QRSL1: variants seen among roughly 807,000 people sequenced by gnomAD.
QRSL1 encodes the protein glutaminyl-tRNA amidotransferase subunit QRSL1.
Under a neutral mutation model 61.6 loss-of-function variants are expected in QRSL1, and 54 were observed. The observed-to-expected ratio is 0.88, with a 90% CI of 0.70 to 1.10. The LOEUF (loss-of-function observed/expected upper bound fraction) is 1.10. Among genes scored for constraint, QRSL1 ranks in the 50% least tolerant of loss-of-function variants. QRSL1 has a pLI of 0.00. For synonymous variants in QRSL1, 228 were observed against 225.7 expected (o/e 1.01, Z -0.09); for missense variants, 505 against 622.6 (o/e 0.81, Z 2.01).
At chr6:106,649,997 T>A (rs117140009) in intron 5 of QRSL1, among the ~76,000 whole-genome samples, 1,967 of 152,282 alleles carry the variant, frequency 0.013, 28 homozygotes, top group Non-Finnish European at 0.02. Flanking sequence ...TCATTTATAT[T>A]TTTTTAGAGC....
chr6:106,661,515 G>C (rs777919301), intron 9 of QRSL1, among the ~76,000 whole-genome samples: 14 of 152,088 alleles, frequency 9.2e-5, no homozygotes, highest in Non-Finnish European at 1.5e-4. Context: ...TGGTCTCTCT[G>C]TAGACCTGGT....
At position 106,655,686 on chromosome 6, in the gene QRSL1, G is replaced by A. The variant is rs1254881670; in HGVS notation, c.1114G>A (p.Val372Met). 4 of 1,613,434 alleles carry A rather than the reference G, an allele frequency of 2.5e-6. No homozygotes were observed. The highest frequency in any genetic ancestry group is 3.4e-6 in the Non-Finnish European group (4 of 1,179,600). Residue 372 changes from valine to methionine, a missense_variant, in exon 9 of 11, where the codon GTG becomes ATG. Transcript: ENST00000369046. ...AATRREGFND[V>M]VRGRILSGNF... ...AACCAGACGAGAAGGGTTTAATGAT[G>A]TGGTGAGAGGAAGAATTCTCTCAGG...
chr6:106,638,281 C>T (rs1776954865), intron 1 of QRSL1, among the ~76,000 whole-genome samples: 1 of 151,054 alleles, frequency 6.6e-6, no homozygotes, highest in Non-Finnish European at 1.5e-5. Flanking sequence ...CTTCTAGCTT[C>T]TTTCTTCTAG....
At chr6:106,634,204 A>G (rs1170935615) in intron 1 of QRSL1, among the ~76,000 whole-genome samples, 1 of 152,214 alleles carries the variant, frequency 6.6e-6, no homozygotes, top group African/African-American at 2.4e-5. Flanking sequence ...AACAAGAGCA[A>G]GCTTAACATG....
At chr6:106,638,754 C>T (rs1004118029) in intron 1 of QRSL1, among the ~76,000 whole-genome samples, 18 of 152,186 alleles carry the variant, frequency 1.2e-4, no homozygotes, top group African/African-American at 3.9e-4. Context: ...TGTCGGTGAG[C>T]ATTAGGGATC....
chr6:106,647,640 C>T (rs1361251360), intron 4 of QRSL1, among the ~76,000 whole-genome samples: 1 of 132,760 alleles, frequency 7.5e-6, no homozygotes, highest in Non-Finnish European at 1.6e-5. Context: ...GATAAAATGC[C>T]ATAAAGTACT....
intron 3 of QRSL1, chr6:106,642,713 A>C: frequency 1.3e-6 from 1 of 751,612 alleles, no homozygotes; most frequent in Non-Finnish European, 2.4e-6. Flanking sequence ...CAAGAGAATG[A>C]ATGTGCATAT....
At chr6:106,629,946 C>G (rs371221253) in intron 1 of QRSL1, among the ~76,000 whole-genome samples, 4 of 152,044 alleles carry the variant, frequency 2.6e-5, no homozygotes. Flanking sequence ...CGGCTTCTCA[C>G]CATTAGACAT....
chr6:106,652,269 T>C lies in QRSL1; in HGVS notation c.618T>C (p.Val206=), dbSNP rs769857680. 6.2e-6 allele frequency: 10 copies of C among 1,614,082 alleles called. No homozygotes were observed. The South Asian group carries it at 7.7e-5, about 12-fold the overall frequency. ...ATCCTGCTGCCCACTGTGGGCTTGT[T>C]GGTTTCAAACCAAGCTATGGCTTAG... ...TRNPAAHCGL[V]GFKPSYGLVS... Residue 206 remains valine (V), a synonymous_variant, in exon 6 of 11, where the codon GTT becomes GTC. Transcript: ENST00000369046.
intron 9 of QRSL1, among the ~76,000 whole-genome samples, chr6:106,661,730 G>A (rs776504061): frequency 2.0e-5 from 2 of 102,530 alleles, no homozygotes; most frequent in African/African-American, 3.7e-5. Flanking sequence ...TTGAGACGGA[G>A]TTCCGCTCTT....
intron 4 of QRSL1, among the ~76,000 whole-genome samples, chr6:106,644,072 A>G (rs114072024): frequency 0.013 from 2,026 of 152,198 alleles, 58 homozygotes; most frequent in African/African-American, 0.046. Context: ...GGGTGTCGCC[A>G]TGTTGGCCAG....
chr6:106,654,266 C>G (rs56845422), intron 7 of QRSL1, among the ~76,000 whole-genome samples: 1 of 151,816 alleles, frequency 6.6e-6, no homozygotes, highest in Non-Finnish European at 1.5e-5. Flanking sequence ...AGGAGAATGG[C>G]GTGAACCCAG....
intron 3 of QRSL1, among the ~76,000 whole-genome samples, chr6:106,641,769 A>T (rs1242049404): frequency 1.3e-5 from 2 of 152,240 alleles, no homozygotes; most frequent in African/African-American, 4.8e-5. Flanking sequence ...GTGGTATAAC[A>T]TGAGAAGAAA....
intron 1 of QRSL1, among the ~76,000 whole-genome samples, chr6:106,639,008 A>C (rs990991061): frequency 2.6e-5 from 4 of 151,444 alleles, no homozygotes; most frequent in African/African-American, 9.7e-5. Context: ...CTTGTCCTTT[A>C]CTATTTGTGT....
chr6:106,662,538 A>G (rs1777373656), intron 9 of QRSL1, among the ~76,000 whole-genome samples: 2 of 151,182 alleles, frequency 1.3e-5, no homozygotes, highest in African/African-American at 4.9e-5. Context: ...TATTTAACCA[A>G]CCAGTATTTC....
At chr6:106,643,711 T>G (rs1419670026) in intron 4 of QRSL1, among the ~76,000 whole-genome samples, 3 of 152,104 alleles carry the variant, frequency 2.0e-5, no homozygotes, top group Admixed American at 6.5e-5. Context: ...CTTTCATATA[T>G]TTTGGATTCA....
At position 106,636,198 on chromosome 6, in the gene QRSL1, C is replaced by T. The variant is rs563801219; in HGVS notation, c.25-4151C>T. Among the ~76,000 whole-genome samples, 12 of 152,126 alleles carry T rather than the reference C, an allele frequency of 7.9e-5. No individual in the cohort carries two copies. The South Asian group carries it at 2.5e-3, about 32-fold the overall frequency. On this transcript the variant is annotated intron_variant, in intron 1 of 10. Transcript: ENST00000369046. ...TCCAAAGTCTGAAAATATCCGAAAT[C>T]TAAACACTTCTTGTCCCAAGCATTT...
At chr6:106,647,348 AT>A (rs554665459) in intron 4 of QRSL1, among the ~76,000 whole-genome samples, 24 of 151,914 alleles carry the variant, frequency 1.6e-4, no homozygotes, top group Non-Finnish European at 3.1e-4. Context: ...CAAAATTAAA[AT>A]CACAGTGAGC....
intron 1 of QRSL1, among the ~76,000 whole-genome samples, chr6:106,639,590 A>G (rs1375811780): frequency 6.6e-6 from 1 of 152,110 alleles, no homozygotes; most frequent in Non-Finnish European, 1.5e-5. Flanking sequence ...TTTTGGTGTC[A>G]TCTTTTACTT....
Sources: gnomAD v4.1 joint callset for allele counts (sites outside exome capture counted in the v4.1 genomes callset) on GRCh38, gnomAD v4.1.1 for gene constraint, MANE v1.5 for transcripts, NCBI Gene and HGNC (gene_info 2026-07-23, HGNC 2026-07-21) for gene names.